The following PRKN variants were observed in gnomAD, a reference collection of about 807,000 sequenced individuals.
The protein encoded by PRKN is parkin RBR E3 ubiquitin protein ligase.
A neutral mutation model predicts 59.5 loss-of-function variants in PRKN; 56 were observed. The ratio of observed to expected loss-of-function variants is 0.94; its 90% CI spans 0.76 to 1.18. PRKN has a LOEUF of 1.18. Among genes scored for constraint, PRKN ranks in the 50% most tolerant of loss-of-function variants. PRKN has a pLI of 0.00. For synonymous variants in PRKN, 250 were observed against 222.1 expected, an observed-to-expected ratio of 1.13 and a Z score of -1.12; for missense variants, 657 against 596.4, an observed-to-expected ratio of 1.10 and a Z score of -1.06.
chr6:162,643,512 C>T (rs916054660), intron 1 of PRKN, among the ~76,000 whole-genome samples: 3 of 151,944 alleles, frequency 2.0e-5, no homozygotes, highest in African/African-American at 7.3e-5. Context: ...CATTTGCAGG[C>T]CCATTTCGGC....
chr6:162,543,664 C>T (rs183454520), intron 1 of PRKN, among the ~76,000 whole-genome samples: 121 of 152,262 alleles, frequency 7.9e-4, no homozygotes, highest in African/African-American at 2.8e-3. Context: ...GACCCTGTCA[C>T]ACTTTAAGTA....
intron 9 of PRKN, among the ~76,000 whole-genome samples, chr6:161,416,882 G>A (rs1366161551): frequency 1.3e-5 from 2 of 152,152 alleles, no homozygotes; most frequent in African/African-American, 4.8e-5. Context: ...AGCAGATGCT[G>A]AGCACCCAGG....
At chr6:162,227,212 G>A (rs1473099035) in intron 3 of PRKN, among the ~76,000 whole-genome samples, 5 of 152,134 alleles carry the variant, frequency 3.3e-5, no homozygotes, top group Non-Finnish European at 7.4e-5. Flanking sequence ...ATTTTAGTGT[G>A]TGTGTTAATT....
chr6:161,932,110 AT>A (rs1398521906), intron 6 of PRKN, among the ~76,000 whole-genome samples: 2 of 152,062 alleles, frequency 1.3e-5, no homozygotes, highest in South Asian at 4.1e-4. Context: ...AGATTAAAAT[AT>A]TTTTATTATA....
chr6:161,830,229 G>A (rs566356183), intron 6 of PRKN, among the ~76,000 whole-genome samples: 3 of 151,982 alleles, frequency 2.0e-5, no homozygotes, highest in South Asian at 2.1e-4. Context: ...CTAGTGTGTC[G>A]GGGTTACCTT....
chr6:162,085,995 A>C (rs941290035), intron 4 of PRKN, among the ~76,000 whole-genome samples: 8 of 152,154 alleles, frequency 5.3e-5, no homozygotes. Context: ...AGTCCCCCTA[A>C]TATTTCCTTC....
intron 7 of PRKN, among the ~76,000 whole-genome samples, chr6:161,686,373 C>T (rs1301755235): frequency 6.6e-6 from 1 of 152,140 alleles, no homozygotes; most frequent in Non-Finnish European, 1.5e-5. Context: ...TCATTCTTCC[C>T]ATATGTTTAC....
chr6:161,763,502 C>A (rs927500069), intron 7 of PRKN, among the ~76,000 whole-genome samples: 1 of 152,008 alleles, frequency 6.6e-6, no homozygotes, highest in Admixed American at 6.6e-5. Flanking sequence ...CAGGAGTTGA[C>A]GAAGAGCGGA....
chr6:162,486,000 A>G (rs1170913033), intron 1 of PRKN, among the ~76,000 whole-genome samples: 1 of 152,206 alleles, frequency 6.6e-6, no homozygotes, highest in East Asian at 1.9e-4. Context: ...TAACAAATTA[A>G]TATCTGACAT....
At chr6:161,802,669 C>T (rs945389568) in intron 6 of PRKN, among the ~76,000 whole-genome samples, 1 of 152,080 alleles carries the variant, frequency 6.6e-6, no homozygotes, top group African/African-American at 2.4e-5. Context: ...CGGTGGTGAC[C>T]CCACCCTACA....
rs148935516 is a variant in PRKN, at chr6:161,461,144, C to T, written c.1084-74267G>A. On this transcript the variant is annotated intron_variant, in intron 9 of 11. Transcript: ENST00000366898. This position sits in a 1 kb window ranked among gnomAD's most constrained non-coding sequence, Gnocchi z 5.1. ...CAGTTTTTCAGAAAACAGAACTGAA[C>T]GTCAAGTTTGTCCTCAGGGACAGAG... is the stretch of plus-strand genomic sequence containing the variant. 1.9e-4 allele frequency among the ~76,000 whole-genome samples: 29 copies of T among 152,250 alleles called. No homozygotes were observed. The highest frequency in any genetic ancestry group is 2.6e-4 in the African/African-American group (11 of 41,552).
At chr6:161,358,523 G>A (rs911349624) in intron 11 of PRKN, among the ~76,000 whole-genome samples, 4 of 152,102 alleles carry the variant, frequency 2.6e-5, no homozygotes, top group African/African-American at 9.7e-5. Flanking sequence ...GCTGAGGCAG[G>A]AGAATCTCTT....
At chr6:162,273,939 A>C (rs1244243980) in intron 2 of PRKN, among the ~76,000 whole-genome samples, 2 of 152,160 alleles carry the variant, frequency 1.3e-5, no homozygotes, top group African/African-American at 4.8e-5. Flanking sequence ...TTACTCAACA[A>C]AAATGATCCA....
At chr6:161,749,014 C>G (rs550603310) in intron 7 of PRKN, among the ~76,000 whole-genome samples, 1 of 152,158 alleles carries the variant, frequency 6.6e-6, no homozygotes, top group Non-Finnish European at 1.5e-5. Context: ...TTTCGAAGGG[C>G]TGGGAGAGAT....
intron 1 of PRKN, among the ~76,000 whole-genome samples, chr6:162,459,009 C>T (rs975178886): frequency 1.1e-4 from 17 of 151,948 alleles, no homozygotes; most frequent in Admixed American, 5.9e-4. Flanking sequence ...TTAGTACAGA[C>T]GGGATTCGCC....
intron 6 of PRKN, among the ~76,000 whole-genome samples, chr6:161,830,278 G>A (rs1282719914): frequency 6.6e-6 from 1 of 150,538 alleles, no homozygotes; most frequent in Admixed American, 6.6e-5. Context: ...TTGAGATGGA[G>A]TCTCGCTCTG....
intron 3 of PRKN, among the ~76,000 whole-genome samples, chr6:162,229,609 C>A (rs566256367): frequency 7.4e-4 from 113 of 152,322 alleles, no homozygotes; most frequent in Non-Finnish European, 1.4e-3. Context: ...TCTCCCAGAT[C>A]ACCAGTTCAT....
chr6:162,558,160 T>C lies in PRKN; in HGVS notation c.8-114687A>G, dbSNP rs539961349. Among the ~76,000 whole-genome samples, 116 of 152,274 alleles carry C rather than the reference T, an allele frequency of 7.6e-4. 2 individuals carry two copies. Among genetic ancestry groups the C allele is most frequent in the Middle Eastern group, 3.4e-3 (1 of 294 alleles). Reference sequence around the variant, plus strand: ...GATTTGATGATAAAAAAAATCACTTTTCTTTATGGTGACTATTATGCCATC... The same window carrying C: ...GATTTGATGATAAAAAAAATCACTTCTCTTTATGGTGACTATTATGCCATC... On this transcript the variant is annotated intron_variant, in intron 1 of 11. Transcript: ENST00000366898.
intron 7 of PRKN, among the ~76,000 whole-genome samples, chr6:161,650,282 A>G (rs7762383): frequency 0.5 from 76,053 of 152,014 alleles, 21,951 homozygotes; most frequent in African/African-American, 0.81. Flanking sequence ...GAGAATTAAG[A>G]GACTCAGATG....
Sources: gnomAD v4.1 joint callset for allele counts (sites outside exome capture counted in the v4.1 genomes callset) on GRCh38, gnomAD v4.1.1 for gene constraint, Gnocchi (gnomAD v3.1) non-coding constraint, MANE v1.5 for transcripts, NCBI Gene and HGNC (gene_info 2026-07-23, HGNC 2026-07-21) for gene names.